Variants in PLEKHD1 observed in about 807,000 individuals in gnomAD.
PLEKHD1 encodes pleckstrin homology domain-containing family D member 1.
PLEKHD1 carries 51 observed loss-of-function variants against 69.2 expected under a neutral mutation model. The ratio of observed to expected loss-of-function variants is 0.74; its 90% CI spans 0.59 to 0.93. PLEKHD1 has a LOEUF of 0.93. Among genes scored for constraint, PLEKHD1 ranks in the 40% least tolerant of loss-of-function variants. The pLI, the probability that PLEKHD1 is intolerant of heterozygous loss-of-function variation, is 0.00. For missense variants in PLEKHD1, 584 were observed against 641.0 expected (o/e 0.91, Z 0.96); for synonymous variants, 236 against 244.7 (o/e 0.96, Z 0.33).
At chr14:69,468,939 T>A in the PLEKHD1 span, among the ~76,000 whole-genome samples, 6 of 152,230 alleles carry the variant, frequency 3.9e-5, no homozygotes, top group Non-Finnish European at 8.8e-5. Flanking sequence ...ATTTGTTAAA[T>A]GGAATTTTTC....
intron 6 of PLEKHD1, among the ~76,000 whole-genome samples, chr14:69,518,085 G>A (rs1883426867): frequency 6.6e-6 from 1 of 151,984 alleles, no homozygotes; most frequent in South Asian, 2.1e-4. Context: ...AGGCTGGAGT[G>A]CAGTGGCATG....
chr14:69,518,037 TGTTTG>T, intron 6 of PLEKHD1, among the ~76,000 whole-genome samples: 1 of 132,776 alleles, frequency 7.5e-6, no homozygotes, highest in South Asian at 2.6e-4. Flanking sequence ...TTTATTTGTT[TGTTTG>T]TTTGTTTGAG....
rs12432488 is a variant in PLEKHD1 at position 69,486,285 on chromosome 14, A to G, written c.149+1171A>G. Among the ~76,000 whole-genome samples the G allele has an allele frequency of 5.7e-3, 870 of 152,334 alleles. 26 individuals are homozygous for G. The highest frequency in any genetic ancestry group is 0.051 in the Admixed American group (787 of 15,302). On this transcript the variant is annotated intron_variant, in intron 1 of 12. Coordinates refer to ENST00000322564, the MANE Select transcript of PLEKHD1 (RefSeq NM_001161498.2). Reference sequence around the variant, plus strand: ...TTCTGATGAATAATTTAATGTTTCTATAAGACCGCAGAACAAATGGAGCTG... The same window carrying G: ...TTCTGATGAATAATTTAATGTTTCTGTAAGACCGCAGAACAAATGGAGCTG...
At chr14:69,478,310 C>G in the PLEKHD1 span, among the ~76,000 whole-genome samples, 1 of 152,216 alleles carries the variant, frequency 6.6e-6, no homozygotes, top group Non-Finnish European at 1.5e-5. Context: ...CCTCCTAGGC[C>G]TCTGGGCTTG....
chr14:69,491,298 G>T (rs911810137), intron 1 of PLEKHD1, among the ~76,000 whole-genome samples: 1 of 152,172 alleles, frequency 6.6e-6, no homozygotes, highest in African/African-American at 2.4e-5. Context: ...CAAAGAGGAG[G>T]GCAGAGGAGG....
At chr14:69,501,306 C>T in intron 4 of PLEKHD1, 1 of 368,926 alleles carries the variant, frequency 2.7e-6, no homozygotes, top group Non-Finnish European at 5.0e-6. Flanking sequence ...ACAGAAATCT[C>T]CTGCCAACCC....
chr14:69,484,337 T>A (rs1419806010), upstream of PLEKHD1, among the ~76,000 whole-genome samples: 1 of 152,176 alleles, frequency 6.6e-6, no homozygotes, highest in Non-Finnish European at 1.5e-5. Context: ...CCCTACGCCC[T>A]AGCTCCGTCC....
chr14:69,526,427 C>G (rs149873272), intron 9 of PLEKHD1, among the ~76,000 whole-genome samples: 1 of 152,096 alleles, frequency 6.6e-6, no homozygotes, highest in Non-Finnish European at 1.5e-5. Flanking sequence ...GGAAATGGAG[C>G]CTCAGGGGGG....
chr14:69,490,156 C>A (rs191033603), intron 1 of PLEKHD1, among the ~76,000 whole-genome samples: 3 of 152,318 alleles, frequency 2.0e-5, no homozygotes, highest in Non-Finnish European at 4.4e-5. Context: ...GCATGAGCCC[C>A]CTGTTATATG....
rs368791677 is a variant in PLEKHD1 at position 69,502,034 on chromosome 14, G to A, written c.502+209G>A. On this transcript the variant is annotated intron_variant, in intron 5 of 12. Coordinates refer to ENST00000322564, the MANE Select transcript of PLEKHD1 (RefSeq NM_001161498.2). Reference sequence around the variant, plus strand: ...GAAGGCAGGAGCGTCTGATGGTTAAGAGCCTGGGCTCTGGATCCAGCTTCA... The same window carrying A: ...GAAGGCAGGAGCGTCTGATGGTTAAAAGCCTGGGCTCTGGATCCAGCTTCA... 5.0e-4 allele frequency: 234 copies of A among 472,652 alleles called. 2 individuals are homozygous for A. Among genetic ancestry groups the A allele is most frequent in the South Asian group, 4.4e-3 (154 of 35,064 alleles). 29.3% of individuals were successfully genotyped at this position (472,652 alleles called of 1,614,324 possible). A position where few individuals can be genotyped will look rare whatever the true frequency, so the allele number is the denominator to read the frequency against.
At chr14:69,503,069 T>C in intron 6 of PLEKHD1, 190 bp downstream of exon 6, 1 of 629,036 alleles carries the variant, frequency 1.6e-6, no homozygotes, top group Non-Finnish European at 2.8e-6. Context: ...AGAAGTGTCT[T>C]TCTCCTTACC....
upstream of PLEKHD1, among the ~76,000 whole-genome samples, chr14:69,483,961 G>A (rs962887322): frequency 2.6e-5 from 4 of 152,260 alleles, no homozygotes; most frequent in Non-Finnish European, 5.9e-5. Context: ...GCTGGTCCCA[G>A]GGAGCGCGGG....
At chr14:69,501,429 C>T in intron 4 of PLEKHD1, 2 of 341,856 alleles carry the variant, frequency 5.9e-6, no homozygotes, top group Non-Finnish European at 5.4e-6. Context: ...CACTGGGTAG[C>T]GGACATTCAG....
At chr14:69,495,677 T>C (rs1882873522) in intron 1 of PLEKHD1, among the ~76,000 whole-genome samples, 1 of 152,246 alleles carries the variant, frequency 6.6e-6, no homozygotes, top group East Asian at 1.9e-4. Context: ...GCCGCAGCCT[T>C]GCAGTTCCCT....
chr14:69,527,697 T>C (rs1480128082), intron 11 of PLEKHD1, 86 bp from the exon 12 acceptor site: 2 of 1,468,560 alleles, frequency 1.4e-6, no homozygotes, highest in African/African-American at 2.8e-5. Context: ...TCCCACTCAA[T>C]CTCACCAGGA....
Position 69,528,508 on chromosome 14 carries a change from C to A in PLEKHD1, c.*89C>A. The A allele has an allele frequency of 6.9e-7, 1 of 1,442,772 alleles. No homozygotes were observed. Among genetic ancestry groups the A allele is most frequent in the South Asian group, 1.4e-5 (1 of 72,778 alleles). 89.4% of individuals were successfully genotyped at this position (1,442,772 alleles called of 1,614,324 possible). Reference sequence around the variant, plus strand: ...GAGGGAGGCCTCACTCTACCAGCTCCTGGCCTCTCTGGTCTGGAGCCTATG... The same window carrying A: ...GAGGGAGGCCTCACTCTACCAGCTCATGGCCTCTCTGGTCTGGAGCCTATG... On this transcript the variant is annotated 3_prime_UTR_variant, in exon 13 of 13. Coordinates refer to ENST00000322564, the MANE Select transcript of PLEKHD1 (RefSeq NM_001161498.2).
At chr14:69,518,586 G>A (rs1322020162) in intron 6 of PLEKHD1, among the ~76,000 whole-genome samples, 2 of 152,142 alleles carry the variant, frequency 1.3e-5, no homozygotes, top group Admixed American at 1.3e-4. Context: ...TCCTAACCAG[G>A]AGTCTAGTCT....
At chr14:69,497,402 C>T (rs549283710) in intron 1 of PLEKHD1, among the ~76,000 whole-genome samples, 1 of 152,376 alleles carries the variant, frequency 6.6e-6, no homozygotes, top group Non-Finnish European at 1.5e-5. Flanking sequence ...ACTTGCCCTC[C>T]AGGAGCCTGA....
At chr14:69,479,227 A>G in the PLEKHD1 span, among the ~76,000 whole-genome samples, 1 of 152,200 alleles carries the variant, frequency 6.6e-6, no homozygotes, top group South Asian at 2.1e-4. Flanking sequence ...ACCTTCCTCC[A>G]TGATTCAACT....
Sources: gnomAD v4.1 joint callset for allele counts (sites outside exome capture counted in the v4.1 genomes callset) on GRCh38, gnomAD v4.1.1 for gene constraint, MANE v1.5 for transcripts, NCBI Gene and HGNC (gene_info 2026-07-23, HGNC 2026-07-21) for gene names.